CHCHD6: variants seen among roughly 807,000 people sequenced by gnomAD.
CHCHD6 encodes MICOS complex subunit MIC25.
CHCHD6 carries 28 observed loss-of-function variants against 32.3 expected under a neutral mutation model. The observed-to-expected ratio is 0.87, with a 90% CI of 0.64 to 1.19. The LOEUF is 1.19. Ranked by LOEUF, CHCHD6 falls within the 50% of genes most tolerant of loss-of-function variation. The pLI is 0.00. For missense variants in CHCHD6, 333 were observed against 307.0 expected (o/e 1.08, Z -0.63); for synonymous variants, 122 against 117.5 (o/e 1.04, Z -0.25).
chr3:126,882,248 T>C (rs934874536), intron 5 of CHCHD6, among the ~76,000 whole-genome samples: 3 of 152,196 alleles, frequency 2.0e-5, no homozygotes, highest in Admixed American at 2.0e-4. Context: ...TCTCTTACAT[T>C]TCCACCTGGA....
intron 5 of CHCHD6, among the ~76,000 whole-genome samples, chr3:126,871,113 G>T (rs939125718): frequency 6.6e-6 from 1 of 152,118 alleles, no homozygotes; most frequent in Non-Finnish European, 1.5e-5. Context: ...TCATATCAGC[G>T]TTTGATTCAC....
At chr3:126,744,773 C>A (rs752051396) in intron 4 of CHCHD6, among the ~76,000 whole-genome samples, 5 of 152,078 alleles carry the variant, frequency 3.3e-5, no homozygotes, top group Admixed American at 3.3e-4. Context: ...CTGCAACCTC[C>A]GCCTCCTGGG....
At chr3:126,903,279 G>GA (rs1250797615) in intron 5 of CHCHD6, among the ~76,000 whole-genome samples, 1 of 152,158 alleles carries the variant, frequency 6.6e-6, no homozygotes, top group Non-Finnish European at 1.5e-5. Flanking sequence ...CTGTAGATCT[G>GA]ATGCAGAGAA....
At chr3:126,797,502 T>C (rs1938851837) in intron 4 of CHCHD6, among the ~76,000 whole-genome samples, 1 of 152,202 alleles carries the variant, frequency 6.6e-6, no homozygotes, top group African/African-American at 2.4e-5. Flanking sequence ...GAAAATGTGG[T>C]GTCCCAAGTG....
intron 5 of CHCHD6, chr3:126,865,418 A>G (rs578109419): frequency 8.3e-6 from 2 of 241,216 alleles, no homozygotes; most frequent in East Asian, 3.8e-4. Context: ...CACCACAACC[A>G]CCACTGCCAC....
At chr3:126,911,800 A>G (rs1017371269) in intron 5 of CHCHD6, among the ~76,000 whole-genome samples, 1 of 152,242 alleles carries the variant, frequency 6.6e-6, no homozygotes, top group African/African-American at 2.4e-5. Context: ...TGAAGCCCAC[A>G]GCAGGCCGGG....
intron 6 of CHCHD6, among the ~76,000 whole-genome samples, chr3:126,940,197 T>A (rs2078538977): frequency 6.6e-6 from 1 of 152,196 alleles, no homozygotes; most frequent in East Asian, 1.9e-4. Flanking sequence ...ATGCAAAGTT[T>A]TAAAAAATCC....
chr3:126,766,581 A>G, intron 4 of CHCHD6: 1 of 1,176,028 alleles, frequency 8.5e-7, no homozygotes, highest in Non-Finnish European at 1.3e-6. Context: ...CCTGGGCTGC[A>G]GTGGAAGACT....
chr3:126,915,207 CG>C (rs1338662586), intron 6 of CHCHD6, among the ~76,000 whole-genome samples: 1 of 152,236 alleles, frequency 6.6e-6, no homozygotes, highest in Non-Finnish European at 1.5e-5. Context: ...CAGTCATGCT[CG>C]GGGTGGCCCA....
chr3:126,874,791 C>T (rs999959744), intron 5 of CHCHD6, among the ~76,000 whole-genome samples: 4 of 152,154 alleles, frequency 2.6e-5, no homozygotes, highest in Admixed American at 2.6e-4. Flanking sequence ...ACAAAACAGC[C>T]TGCCAGTTCC....
At chr3:126,844,677 C>A (rs1205783044) in intron 4 of CHCHD6, among the ~76,000 whole-genome samples, 21 of 152,084 alleles carry the variant, frequency 1.4e-4, no homozygotes, top group Admixed American at 1.4e-3. Flanking sequence ...AGAATAATGG[C>A]CCCCCAAAGA....
intron 4 of CHCHD6, among the ~76,000 whole-genome samples, chr3:126,843,404 C>T (rs191863030): frequency 6.6e-6 from 1 of 152,188 alleles, no homozygotes; most frequent in African/African-American, 2.4e-5. Context: ...CTGTTTCCTC[C>T]TCTATTTGCT....
intron 4 of CHCHD6, among the ~76,000 whole-genome samples, chr3:126,764,644 G>T (rs7650515): frequency 0.023 from 3,445 of 152,236 alleles, 99 homozygotes; most frequent in East Asian, 0.14. Context: ...TCCTGCAAAG[G>T]CTAGGACTTC....
At chr3:126,845,685 A>G (rs1022713039) in intron 4 of CHCHD6, among the ~76,000 whole-genome samples, 1 of 152,058 alleles carries the variant, frequency 6.6e-6, no homozygotes, top group Non-Finnish European at 1.5e-5. Context: ...ATAATTTATA[A>G]TGCCTTGTTT....
intron 4 of CHCHD6, among the ~76,000 whole-genome samples, chr3:126,738,635 G>A (rs1936159579): frequency 6.6e-6 from 1 of 152,114 alleles, no homozygotes; most frequent in Non-Finnish European, 1.5e-5. Context: ...GTGAGGGTTT[G>A]GATGTGTTAC....
chr3:126,901,364 C>T (rs938446900), intron 5 of CHCHD6, among the ~76,000 whole-genome samples: 16 of 152,198 alleles, frequency 1.1e-4, no homozygotes, highest in Non-Finnish European at 1.9e-4. Context: ...CCTGACTGGA[C>T]CACCTTAGGT....
intron 4 of CHCHD6, among the ~76,000 whole-genome samples, chr3:126,810,433 C>A (rs963321816): frequency 6.6e-6 from 1 of 152,274 alleles, no homozygotes; most frequent in South Asian, 2.1e-4. Flanking sequence ...TAGGTTGTCT[C>A]CCAGGAAATG....
chr3:126,733,011 T>C (rs1411560003), intron 3 of CHCHD6, 67 bp from the exon 4 acceptor site: 3 of 1,568,792 alleles, frequency 1.9e-6, no homozygotes, highest in South Asian at 1.1e-5. Flanking sequence ...TGCGCAGATC[T>C]TGTCTTGGCT....
At chr3:126,809,872 C>T (rs545016829) in intron 4 of CHCHD6, among the ~76,000 whole-genome samples, 115 of 152,274 alleles carry the variant, frequency 7.6e-4, no homozygotes, top group African/African-American at 2.5e-3. Context: ...TCATGTTGCT[C>T]TGGTAGGAGC....
Sources: allele counts gnomAD v4.1 joint callset (sites outside exome capture counted in the v4.1 genomes callset), GRCh38; gene constraint gnomAD v4.1.1; transcripts MANE v1.5; gene names NCBI Gene and HGNC (gene_info 2026-07-23, HGNC 2026-07-21).